Variants in DOCK1 observed in about 807,000 individuals in gnomAD.
The protein encoded by DOCK1 is dedicator of cytokinesis 1.
DOCK1 carries 138 observed loss-of-function variants against 262.7 expected under a neutral mutation model. The observed-to-expected ratio is 0.53, with a 90% CI of 0.46 to 0.61. The LOEUF (loss-of-function observed/expected upper bound fraction) is 0.61. Ranked by LOEUF, DOCK1 falls within the 20% of genes least tolerant of loss-of-function variation. The pLI is 0.00. For synonymous variants in DOCK1, 866 were observed against 867.4 expected (o/e 1.00, Z 0.03); for missense variants, 1,908 against 2,370.7 (o/e 0.80, Z 4.05).
intron 27 of DOCK1, among the ~76,000 whole-genome samples, chr10:127,206,040 A>T (rs765469282): frequency 7.1e-4 from 108 of 152,052 alleles, no homozygotes; most frequent in Admixed American, 2.1e-3. Flanking sequence ...ACTGTTTATC[A>T]TGCACTTAGA....
chr10:126,918,636 G>T (rs558399119), intron 1 of DOCK1, among the ~76,000 whole-genome samples: 1 of 152,130 alleles, frequency 6.6e-6, no homozygotes, highest in Non-Finnish European at 1.5e-5. Context: ...GATATCACTG[G>T]TATTTTAATA....
At chr10:127,019,512 T>A (rs1386266000) in intron 13 of DOCK1, among the ~76,000 whole-genome samples, 1 of 144,686 alleles carries the variant, frequency 6.9e-6, no homozygotes, top group Non-Finnish European at 1.5e-5. Context: ...ACTTTGGGAG[T>A]TCGAGGCGGG....
chr10:127,223,282 A>G (rs78825815), intron 27 of DOCK1, among the ~76,000 whole-genome samples: 620 of 152,320 alleles, frequency 4.1e-3, no homozygotes, highest in African/African-American at 0.014. Context: ...AAATCAACTC[A>G]AAGTGTGTGT....
intron 29 of DOCK1, among the ~76,000 whole-genome samples, chr10:127,304,171 G>A (rs1430137964): frequency 6.6e-6 from 1 of 152,110 alleles, no homozygotes; most frequent in African/African-American, 2.4e-5. Flanking sequence ...AGGCCTACAA[G>A]GCACACAGGA....
chr10:127,396,391 C>T (rs2066848054), intron 38 of DOCK1, among the ~76,000 whole-genome samples: 1 of 152,240 alleles, frequency 6.6e-6, no homozygotes, highest in South Asian at 2.1e-4. Flanking sequence ...TCTCTGTCAG[C>T]TCCCACCCTC....
At chr10:127,049,968 C>CTTTTTT (rs71941085) in intron 21 of DOCK1, among the ~76,000 whole-genome samples, 16 of 100,066 alleles carry the variant, frequency 1.6e-4, no homozygotes, top group African/African-American at 4.3e-4. Context: ...AAACTGGCCT[C>CTTTTTT]TTTTTTTTTT....
At chr10:126,972,846 G>C (rs2038219788) in intron 2 of DOCK1, among the ~76,000 whole-genome samples, 2 of 151,830 alleles carry the variant, frequency 1.3e-5, no homozygotes, top group Admixed American at 6.6e-5. Flanking sequence ...GTGGAAGCCA[G>C]TGCAGCTCTG....
rs536405608 is a variant in DOCK1, at chr10:127,393,475, T to C, written c.3927+8566T>C. 6.6e-5 allele frequency among the ~76,000 whole-genome samples: 10 copies of C among 152,272 alleles called. No homozygotes were observed. In the South Asian group the frequency reaches 1.7e-3, roughly 25 times the overall value. On this transcript the variant is annotated intron_variant, in intron 38 of 51. Transcript: ENST00000623213. The stretch of plus-strand genomic sequence containing the variant: ...CTACGGGAAATAGGGGCTTCCAGAA[T>C]CCAGGACAAGCTTGCCTCTGGACAA...
intron 23 of DOCK1, among the ~76,000 whole-genome samples, chr10:127,074,160 A>G (rs193073760): frequency 6.7e-4 from 102 of 152,386 alleles, no homozygotes; most frequent in African/African-American, 1.4e-3. Context: ...GCAGAATTTT[A>G]TGATAGAATA....
At chr10:127,140,502 G>C (rs2051126385) in intron 27 of DOCK1, among the ~76,000 whole-genome samples, 1 of 152,188 alleles carries the variant, frequency 6.6e-6, no homozygotes. Context: ...CTGCGTGTGG[G>C]ATGACGCCCG....
At chr10:126,945,741 T>C (rs1313452674) in intron 1 of DOCK1, among the ~76,000 whole-genome samples, 3 of 152,238 alleles carry the variant, frequency 2.0e-5, no homozygotes, top group African/African-American at 7.2e-5. Context: ...CACGTGTTCA[T>C]GAATCCACTT....
At chr10:127,050,902 TTTC>T (rs2044682596) in intron 21 of DOCK1, among the ~76,000 whole-genome samples, 3 of 152,122 alleles carry the variant, frequency 2.0e-5, no homozygotes. Flanking sequence ...TCATTTGAAC[TTTC>T]TTGTTATTTG....
At chr10:127,387,550 C>T (rs1489848460) in intron 38 of DOCK1, among the ~76,000 whole-genome samples, 4 of 152,180 alleles carry the variant, frequency 2.6e-5, no homozygotes, top group South Asian at 2.1e-4. Flanking sequence ...GAAACATCCT[C>T]TTTTCTCCTT....
At chr10:127,121,634 T>C (rs148217879) in intron 25 of DOCK1, among the ~76,000 whole-genome samples, 5 of 152,288 alleles carry the variant, frequency 3.3e-5, no homozygotes, top group African/African-American at 9.6e-5. Flanking sequence ...GACAGAAATA[T>C]AGAGTAAGAG....
intron 27 of DOCK1, among the ~76,000 whole-genome samples, chr10:127,220,725 TG>T (rs1307134416): frequency 1.3e-5 from 2 of 151,784 alleles, no homozygotes; most frequent in Non-Finnish European, 2.9e-5. Context: ...CAAGCAAAGA[TG>T]GGGGCCGTAG....
At chr10:127,037,514 G>A (rs540607969) in intron 18 of DOCK1, among the ~76,000 whole-genome samples, 58 of 152,320 alleles carry the variant, frequency 3.8e-4, no homozygotes, top group African/African-American at 1.2e-3. Context: ...CATGGTAAAT[G>A]TCGTTGGGAA....
At chr10:127,212,003 A>G (rs1052178324) in intron 27 of DOCK1, among the ~76,000 whole-genome samples, 2 of 152,218 alleles carry the variant, frequency 1.3e-5, no homozygotes, top group African/African-American at 4.8e-5. Flanking sequence ...TGCATTTGAG[A>G]ATACAATGTG....
At chr10:126,964,262 A>G (rs1010980875) in intron 1 of DOCK1, among the ~76,000 whole-genome samples, 7 of 152,194 alleles carry the variant, frequency 4.6e-5, no homozygotes, top group Non-Finnish European at 7.3e-5. Flanking sequence ...TTGGAGACCT[A>G]GCTTAGGCTG....
intron 29 of DOCK1, among the ~76,000 whole-genome samples, chr10:127,288,158 C>A (rs1482494129): frequency 6.6e-6 from 1 of 152,040 alleles, no homozygotes; most frequent in African/African-American, 2.4e-5. Context: ...TGTCTAAGTC[C>A]GTTGTAGTTA....
Sources: allele counts gnomAD v4.1 joint callset (sites outside exome capture counted in the v4.1 genomes callset), GRCh38; gene constraint gnomAD v4.1.1; transcripts MANE v1.5; gene names NCBI Gene and HGNC (gene_info 2026-07-23, HGNC 2026-07-21).